The following FILIP1L variants were observed in gnomAD, a reference collection of about 807,000 sequenced individuals.
The protein encoded by FILIP1L is filamin A-interacting protein 1-like.
FILIP1L carries 55 observed loss-of-function variants against 96.6 expected under a neutral mutation model. The observed-to-expected ratio is 0.57, with a 90% CI of 0.46 to 0.71. The LOEUF (loss-of-function observed/expected upper bound fraction) is 0.71, where lower values mean the gene tolerates loss of function less well. FILIP1L is among the 30% of genes least tolerant of loss of function. The probability of loss-of-function intolerance (pLI) is 0.00; values close to 1 mark genes in which losing one functional copy is unlikely to be tolerated. For synonymous variants in FILIP1L, 467 were observed against 473.9 expected (o/e 0.99, Z 0.19); for missense variants, 1,304 against 1,321.2 (o/e 0.99, Z 0.20).
chr3:99,852,106 A>G (rs1223561058), intron 4 of FILIP1L, among the ~76,000 whole-genome samples: 1 of 152,230 alleles, frequency 6.6e-6, no homozygotes, highest in Non-Finnish European at 1.5e-5. Flanking sequence ...CATGTAGTAT[A>G]AACTATCTCT....
At chr3:100,113,823 A>T (rs114665438) in intron 1 of FILIP1L, among the ~76,000 whole-genome samples, 1,895 of 152,320 alleles carry the variant, frequency 0.012, 23 homozygotes, top group African/African-American at 0.029. Context: ...GTGTATCACT[A>T]TAGTAAAACT....
At chr3:99,933,248 T>C (rs6440938) in intron 1 of FILIP1L, among the ~76,000 whole-genome samples, 111,760 of 152,100 alleles carry the variant, frequency 0.73, 41,774 homozygotes, top group African/African-American at 0.88. Context: ...GAAAAATGCC[T>C]ATAGCCTTAC....
intron 4 of FILIP1L, among the ~76,000 whole-genome samples, chr3:99,852,544 C>T (rs1196887505): frequency 6.6e-6 from 1 of 152,056 alleles, no homozygotes; most frequent in African/African-American, 2.4e-5. Flanking sequence ...CTCCCTGGTT[C>T]AAGCAATTCT....
rs752199557 is a variant in FILIP1L at position 99,929,899 on chromosome 3, G to A, written c.383C>T (p.Ser128Phe). 6.2e-7 allele frequency: 1 copy of A among 1,613,968 alleles called. No homozygotes were observed. The highest frequency in any genetic ancestry group is 8.5e-7 in the Non-Finnish European group (1 of 1,179,958). The part of the protein sequence containing the change: ...ALQRDAFQAK[S>F]TPWQEDIYEK... ...ATAGATGTCCTCCTGCCAAGGGGTA[G>A]ATTTCGCTTGAAAAGCATCTCTCTG... The change falls in exon 3 of 6, where the codon TCT becomes TTT. Residue 128 changes from serine (S) to phenylalanine (F), a missense_variant. By Grantham distance (155) the Ser-to-Phe change is radical. Coordinates refer to ENST00000477258, the MANE Select transcript of FILIP1L (RefSeq NM_001387850.1).
intron 4 of FILIP1L, among the ~76,000 whole-genome samples, chr3:99,912,499 G>A (rs1039689209): frequency 2.0e-5 from 3 of 152,000 alleles, no homozygotes; most frequent in African/African-American, 4.8e-5. Flanking sequence ...TACCTCAGCC[G>A]CCCAGGTAGC....
At position 99,830,294 on chromosome 3, in the gene FILIP1L, G is replaced by C; in HGVS notation, c.*120C>G. The C allele has an allele frequency of 2.9e-6, 1 of 345,858 alleles. No individual in the cohort carries two copies. Among genetic ancestry groups the C allele is most frequent in the Non-Finnish European group, 5.7e-6 (1 of 174,200 alleles). The allele number at this position is 345,858 out of a possible 1,614,324, so 21.4% of individuals were successfully genotyped here. ...GCTTTTTGGGGGATGATCTTCATCA[G>C]GTCCACAAAGCTGCTTCACCATTTC... On this transcript the variant is annotated 3_prime_UTR_variant, in exon 6 of 6. Coordinates refer to ENST00000477258, the MANE Select transcript of FILIP1L (RefSeq NM_001387850.1).
At chr3:99,910,972 G>C (rs1207456402) in intron 4 of FILIP1L, among the ~76,000 whole-genome samples, 3 of 152,118 alleles carry the variant, frequency 2.0e-5, no homozygotes, top group Non-Finnish European at 4.4e-5. Context: ...CAGAGCTCAG[G>C]TTACAGTTGA....
intron 1 of FILIP1L, among the ~76,000 whole-genome samples, chr3:100,024,617 C>T (rs17314280): frequency 0.012 from 1,784 of 152,242 alleles, 23 homozygotes; most frequent in African/African-American, 0.026. Context: ...CAGGCATAGG[C>T]AGGTTTGAGA....
chr3:100,064,587 C>A (rs1251379118), intron 1 of FILIP1L, among the ~76,000 whole-genome samples: 1 of 152,142 alleles, frequency 6.6e-6, no homozygotes, highest in Non-Finnish European at 1.5e-5. Flanking sequence ...CTTTGGCTCT[C>A]CAGAGGATAG....
chr3:100,039,127 TG>T (rs879407121), intron 1 of FILIP1L, among the ~76,000 whole-genome samples: 9 of 152,360 alleles, frequency 5.9e-5, no homozygotes, highest in Non-Finnish European at 8.8e-5. Flanking sequence ...GTATTGGTAT[TG>T]AAATTATCAT....
intron 1 of FILIP1L, among the ~76,000 whole-genome samples, chr3:100,019,084 T>A (rs1284341290): frequency 1.3e-5 from 2 of 152,306 alleles, no homozygotes; most frequent in Non-Finnish European, 2.9e-5. Flanking sequence ...CCTTATACAT[T>A]GTTCAAGGGA....
At chr3:100,061,138 TTAAAAAAAAAA>T in intron 1 of FILIP1L, among the ~76,000 whole-genome samples, 1 of 151,432 alleles carries the variant, frequency 6.6e-6, no homozygotes, top group Admixed American at 6.6e-5. Flanking sequence ...CTGTTAAAAT[TTAAAAAAAAAA>T]AAAATTTTAA....
intron 1 of FILIP1L, among the ~76,000 whole-genome samples, chr3:99,975,447 CTGAGTA>C (rs1708940757): frequency 6.6e-6 from 1 of 152,012 alleles, no homozygotes; most frequent in Non-Finnish European, 1.5e-5. Context: ...CAAAAATTAG[CTGAGTA>C]TGGTGGCGGG....
chr3:99,845,347 G>A (rs1943315263), intron 5 of FILIP1L, among the ~76,000 whole-genome samples: 1 of 152,152 alleles, frequency 6.6e-6, no homozygotes, highest in South Asian at 2.1e-4. Flanking sequence ...TAAAGAGATA[G>A]TGGGAATGTG....
chr3:100,108,019 C>G (rs974713872), intron 1 of FILIP1L, among the ~76,000 whole-genome samples: 1 of 151,916 alleles, frequency 6.6e-6, no homozygotes, highest in South Asian at 2.1e-4. Context: ...TTCTTAATGC[C>G]AAAACCATGA....
chr3:100,055,694 G>C (rs1157674746), intron 1 of FILIP1L, among the ~76,000 whole-genome samples: 2 of 152,068 alleles, frequency 1.3e-5, no homozygotes, highest in African/African-American at 4.8e-5. Flanking sequence ...CTGTTCTTTA[G>C]TAGTCAAACA....
intron 1 of FILIP1L, among the ~76,000 whole-genome samples, chr3:99,971,573 C>T (rs1708823584): frequency 6.6e-6 from 1 of 152,162 alleles, no homozygotes; most frequent in African/African-American, 2.4e-5. Flanking sequence ...TTCCAAAATT[C>T]CCACTTCCTC....
chr3:100,043,338 T>A (rs2065234326), intron 1 of FILIP1L, among the ~76,000 whole-genome samples: 1 of 152,250 alleles, frequency 6.6e-6, no homozygotes. Flanking sequence ...AAAGTCTCTC[T>A]GTCTCTGTTC....
rs183692544 is a variant in FILIP1L at position 99,894,055 on chromosome 3, T to C, written c.605+30175A>G. On this transcript the variant is annotated intron_variant, in intron 4 of 5. Transcript: ENST00000477258. ...TAACATAGAACCAGCATATAATAGC[T>C]TCAGTAAATTTTCTTTCCTCTCTGC... Among the ~76,000 whole-genome samples, 19 of 152,322 alleles carry C rather than the reference T, an allele frequency of 1.2e-4. No individual in the cohort carries two copies. In the East Asian group the frequency reaches 3.5e-3, roughly 28 times the overall value.
Sources: gnomAD v4.1 joint callset for allele counts (sites outside exome capture counted in the v4.1 genomes callset) on GRCh38, gnomAD v4.1.1 for gene constraint, MANE v1.5 for transcripts, NCBI Gene and HGNC (gene_info 2026-07-23, HGNC 2026-07-21) for gene names.